DGKB: variants seen among roughly 807,000 people sequenced by gnomAD.
The protein encoded by DGKB is 90 kDa diacylglycerol kinase.
Under a neutral mutation model 114.3 loss-of-function variants are expected in DGKB, and 67 were observed. The observed-to-expected ratio is 0.59, with a 90% confidence interval of 0.48 to 0.72. DGKB has a LOEUF of 0.72. DGKB is among the 30% of genes least tolerant of loss of function. DGKB has a pLI of 0.00. For synonymous variants in DGKB, 398 were observed against 323.1 expected, an observed-to-expected ratio of 1.23 and a Z score of -2.49; for missense variants, 907 against 975.2, an observed-to-expected ratio of 0.93 and a Z score of 0.93.
At chr7:14,683,548 A>C (rs1821187887) in intron 10 of DGKB, among the ~76,000 whole-genome samples, 1 of 152,154 alleles carries the variant, frequency 6.6e-6, no homozygotes, top group Non-Finnish European at 1.5e-5. Context: ...TGGCATCTTC[A>C]AATTCTTTAT....
At chr7:14,667,957 C>T (rs1818328598) in intron 13 of DGKB, among the ~76,000 whole-genome samples, 1 of 152,048 alleles carries the variant, frequency 6.6e-6, no homozygotes, top group Non-Finnish European at 1.5e-5. Context: ...GAATTACAAG[C>T]AGTTCAATTA....
At chr7:14,853,639 G>T (rs1290617546) in intron 1 of DGKB, among the ~76,000 whole-genome samples, 1 of 151,804 alleles carries the variant, frequency 6.6e-6, no homozygotes, top group South Asian at 2.1e-4. Context: ...GGCGGATGAC[G>T]TGGTCAGGAC....
chr7:14,834,585 C>G (rs577915668), intron 2 of DGKB, among the ~76,000 whole-genome samples: 3 of 152,270 alleles, frequency 2.0e-5, no homozygotes, highest in South Asian at 2.1e-4. Flanking sequence ...ATTTTTAAAG[C>G]TCATGGCTGC....
intron 1 of DGKB, among the ~76,000 whole-genome samples, chr7:14,944,253 C>T (rs937121126): frequency 4.6e-5 from 7 of 151,686 alleles, no homozygotes; most frequent in Admixed American, 2.6e-4. Flanking sequence ...AATTAGTAAA[C>T]GATAGATCCA....
intron 20 of DGKB, among the ~76,000 whole-genome samples, chr7:14,549,419 A>C (rs1252272328): frequency 6.6e-6 from 1 of 152,070 alleles, no homozygotes; most frequent in Non-Finnish European, 1.5e-5. Flanking sequence ...TTTTTAAAAA[A>C]TTGATATATA....
chr7:14,575,537 A>T (rs1377589208), intron 19 of DGKB, among the ~76,000 whole-genome samples: 1 of 152,108 alleles, frequency 6.6e-6, no homozygotes, highest in African/African-American at 2.4e-5. Flanking sequence ...CCCTGTAAAA[A>T]CCTTAGGGTT....
intron 21 of DGKB, among the ~76,000 whole-genome samples, chr7:14,349,322 T>C (rs17168085): frequency 3.6e-4 from 55 of 152,088 alleles, no homozygotes; most frequent in African/African-American, 1.3e-3. Context: ...GAGATATGGG[T>C]TTATATTTTG....
At chr7:14,700,712 G>T (rs969209451) in intron 7 of DGKB, among the ~76,000 whole-genome samples, 2 of 152,180 alleles carry the variant, frequency 1.3e-5, no homozygotes, top group South Asian at 2.1e-4. Flanking sequence ...GTCTATTTTA[G>T]CTGCCATAGG....
chr7:14,346,950 G>A (rs1812576935), intron 21 of DGKB, among the ~76,000 whole-genome samples: 1 of 151,944 alleles, frequency 6.6e-6, no homozygotes, highest in Non-Finnish European at 1.5e-5. Context: ...TAACATTTTT[G>A]TGTTATTCTT....
intron 23 of DGKB, among the ~76,000 whole-genome samples, chr7:14,268,337 C>G (rs996778664): frequency 1.3e-5 from 2 of 151,872 alleles, no homozygotes; most frequent in African/African-American, 4.8e-5. Flanking sequence ...GGCAGCTGCT[C>G]TGAAGAGGAA....
chr7:14,535,378 G>GAAAAAAA (rs111762380), intron 20 of DGKB, among the ~76,000 whole-genome samples: 8 of 123,586 alleles, frequency 6.5e-5, no homozygotes, highest in African/African-American at 1.5e-4. Context: ...CTTAAAAAAA[G>GAAAAAAA]AAAAAAAAAA....
intron 5 of DGKB, among the ~76,000 whole-genome samples, chr7:14,719,083 A>C (rs2128351688): frequency 6.6e-6 from 1 of 152,312 alleles, no homozygotes; most frequent in Admixed American, 6.5e-5. Flanking sequence ...TAAAGAAAAA[A>C]ATGTCAGTCT....
chr7:14,201,687 T>C (rs1290426984), intron 23 of DGKB, among the ~76,000 whole-genome samples: 2 of 151,972 alleles, frequency 1.3e-5, no homozygotes, highest in Non-Finnish European at 2.9e-5. Flanking sequence ...TGTGCTGGTA[T>C]TGTGGACTCT....
intron 1 of DGKB, among the ~76,000 whole-genome samples, chr7:14,860,180 G>C (rs963989749): frequency 3.3e-5 from 5 of 151,978 alleles, no homozygotes; most frequent in Non-Finnish European, 7.4e-5. Context: ...AAAAAGGACA[G>C]CATAATATAA....
chr7:14,171,962 A>T (rs374902597), intron 25 of DGKB, among the ~76,000 whole-genome samples: 17 of 152,184 alleles, frequency 1.1e-4, no homozygotes, highest in South Asian at 8.3e-4. Flanking sequence ...TGAGAATTCC[A>T]ACGTAATGTT....
intron 23 of DGKB, among the ~76,000 whole-genome samples, chr7:14,316,305 G>T (rs1806502186): frequency 6.9e-6 from 1 of 145,576 alleles, no homozygotes. Flanking sequence ...GAAGGAAATA[G>T]AGACACAAAA....
intron 20 of DGKB, among the ~76,000 whole-genome samples, chr7:14,520,073 T>G (rs986233121): frequency 1.3e-5 from 2 of 151,784 alleles, no homozygotes; most frequent in Non-Finnish European, 2.9e-5. Context: ...TATCTTATTT[T>G]TTATTTATGG....
At chr7:14,719,717 C>T (rs17168362) in intron 5 of DGKB, among the ~76,000 whole-genome samples, 3,508 of 152,232 alleles carry the variant, frequency 0.023, 134 homozygotes, top group African/African-American at 0.081. Flanking sequence ...CCTATCACCT[C>T]GTCAAGCCAT....
At chr7:14,701,816 T>C in intron 6 of DGKB, 86 bp from the exon 7 acceptor site, 2 of 915,358 alleles carry the variant, frequency 2.2e-6, no homozygotes, top group Middle Eastern at 2.8e-4. Flanking sequence ...ATTTAGTTTG[T>C]GTTGAAAACA....
Sources: allele counts gnomAD v4.1 joint callset (sites outside exome capture counted in the v4.1 genomes callset), GRCh38; gene constraint gnomAD v4.1.1; transcripts MANE v1.5; gene names NCBI Gene and HGNC (gene_info 2026-07-23, HGNC 2026-07-21).